Variants in PKIB observed in about 807,000 individuals in gnomAD.
PKIB encodes cAMP-dependent protein kinase inhibitor beta, also known as PKI-beta.
Under a neutral mutation model 4.5 loss-of-function variants are expected in PKIB, and 2 were observed. The observed-to-expected ratio is 0.44, with a 90% CI of 0.18 to 1.39. The LOEUF is 1.39. Among genes scored for constraint, PKIB ranks in the 40% most tolerant of loss-of-function variants. The pLI, the probability that PKIB is intolerant of heterozygous loss-of-function variation, is 0.27. For synonymous variants in PKIB, 38 were observed against 36.0 expected, an observed-to-expected ratio of 1.06 and a Z score of -0.20; for missense variants, 94 against 92.6, an observed-to-expected ratio of 1.02 and a Z score of -0.06.
At chr6:122,637,868 T>G (rs1277229768) in intron 2 of PKIB, among the ~76,000 whole-genome samples, 1 of 152,130 alleles carries the variant, frequency 6.6e-6, no homozygotes, top group Non-Finnish European at 1.5e-5. Context: ...ATCAATTAAA[T>G]TTGGCTTAAA....
intron 3 of PKIB, among the ~76,000 whole-genome samples, chr6:122,590,142 T>G (rs2114723227): frequency 6.6e-6 from 1 of 152,312 alleles, no homozygotes; most frequent in Non-Finnish European, 1.5e-5. Context: ...GGTATCTGAT[T>G]AAAATATTAT....
At chr6:122,605,753 A>G (rs184144863), upstream of PKIB, among the ~76,000 whole-genome samples, 555 of 152,192 alleles carry the variant, frequency 3.6e-3, 1 homozygote, top group Middle Eastern at 0.014. Context: ...ATGACTTCTC[A>G]GTGGTTTTTG....
Position 122,725,654 on chromosome 6 carries a change from A to G in PKIB, c.*459A>G, listed in dbSNP as rs1451195821. On this transcript the variant is annotated 3_prime_UTR_variant, in exon 5 of 5. Transcript: ENST00000368452. ...AGAAAGAACAATAGTCAAAACTCAC[A>G]TGGATAGAGTGTGTTTGTTTTTTGC... The G allele has an allele frequency of 1.3e-5, 2 of 152,978 alleles. No individual in the cohort carries two copies. The highest frequency in any genetic ancestry group is 2.4e-5 in the African/African-American group (1 of 41,476). The allele number at this position is 152,978 out of a possible 1,614,324, so 9.5% of individuals were successfully genotyped here.
chr6:122,515,631 A>G (rs1402007688), intron 2 of PKIB, among the ~76,000 whole-genome samples: 1 of 152,208 alleles, frequency 6.6e-6, no homozygotes. Context: ...GTGCCTCTAT[A>G]GTTTGTTCAT....
chr6:122,538,147 T>C (rs1777465902), intron 2 of PKIB, among the ~76,000 whole-genome samples: 2 of 152,072 alleles, frequency 1.3e-5, no homozygotes, highest in South Asian at 4.1e-4. Flanking sequence ...ACTCTGATGG[T>C]AGTTTCTTTT....
At position 122,575,777 on chromosome 6, in the gene PKIB, TG is replaced by T. The variant is rs541619416; in HGVS notation, c.-247-10139del. 6.6e-5 allele frequency among the ~76,000 whole-genome samples: 10 copies of T among 152,258 alleles called. 1 individual carries two copies. In the East Asian group the frequency reaches 1.9e-3, roughly 29 times the overall value. On this transcript the variant is annotated intron_variant, in intron 2 of 6. Transcript: ENST00000392491. ...TTTGTGGACTCAGAGGGAATAGTTG[TG>T]GGGGTAAAAGGCTATATATTGGGTA...
chr6:122,580,707 A>G (rs1773678557), intron 2 of PKIB, among the ~76,000 whole-genome samples: 1 of 152,134 alleles, frequency 6.6e-6, no homozygotes, highest in African/African-American at 2.4e-5. Context: ...TTTGTCTTGT[A>G]TCTTCTTAGT....
chr6:122,723,311 G>T (rs4132479), intron 4 of PKIB, among the ~76,000 whole-genome samples: 2,126 of 152,158 alleles, frequency 0.014, 24 homozygotes, highest in South Asian at 0.028. Flanking sequence ...TCTCCGCTTG[G>T]ATATCTAATG....
chr6:122,637,141 G>A (rs1454777573), intron 2 of PKIB, among the ~76,000 whole-genome samples: 1 of 152,138 alleles, frequency 6.6e-6, no homozygotes, highest in Non-Finnish European at 1.5e-5. Flanking sequence ...TGTCTAACAT[G>A]ACATCAAAGG....
chr6:122,629,714 C>T (rs1263465357), intron 1 of PKIB, among the ~76,000 whole-genome samples: 2 of 152,102 alleles, frequency 1.3e-5, no homozygotes. Context: ...GGCACTTTTC[C>T]TCTGTGGTCT....
chr6:122,683,853 T>G (rs1223319155), intron 3 of PKIB, among the ~76,000 whole-genome samples: 1 of 152,210 alleles, frequency 6.6e-6, no homozygotes. Flanking sequence ...GATCCAGCCA[T>G]CACACTTCTG....
intron 1 of PKIB, among the ~76,000 whole-genome samples, chr6:122,613,090 G>C (rs1270509628): frequency 2.0e-5 from 3 of 152,034 alleles, no homozygotes; most frequent in African/African-American, 7.2e-5. Context: ...GTTTTTTAAT[G>C]CTAAATGAGC....
chr6:122,594,300 C>T (rs1397568235), intron 3 of PKIB, among the ~76,000 whole-genome samples: 4 of 151,732 alleles, frequency 2.6e-5, no homozygotes, highest in Non-Finnish European at 5.9e-5. Context: ...CTCTGCCTCC[C>T]GGGTTCAAGC....
intron 2 of PKIB, among the ~76,000 whole-genome samples, chr6:122,672,741 A>T (rs1394436051): frequency 6.6e-6 from 1 of 151,654 alleles, no homozygotes; most frequent in African/African-American, 2.4e-5. Flanking sequence ...TAATATAGCA[A>T]ATAAGTTATA....
chr6:122,690,960 A>G (rs1456527424), intron 3 of PKIB, among the ~76,000 whole-genome samples: 3 of 135,390 alleles, frequency 2.2e-5, no homozygotes, highest in Non-Finnish European at 3.2e-5. Flanking sequence ...CAAATATACT[A>G]TTCTAGGGTA....
intron 2 of PKIB, among the ~76,000 whole-genome samples, chr6:122,553,999 A>G (rs1054598726): frequency 1.3e-5 from 2 of 152,184 alleles, no homozygotes; most frequent in Non-Finnish European, 2.9e-5. Context: ...AGTATATTCC[A>G]GTATTCTGGT....
chr6:122,553,481 C>CTTTTTTTTTTTT (rs533553939), intron 2 of PKIB, among the ~76,000 whole-genome samples: 937 of 65,760 alleles, frequency 0.014, 225 homozygotes, highest in Non-Finnish European at 0.018. Context: ...CAAATATCTT[C>CTTTTTTTTTTTT]TTTTTTTTTT....
At chr6:122,512,180 G>A (rs113376483) in intron 2 of PKIB, among the ~76,000 whole-genome samples, 2,128 of 152,230 alleles carry the variant, frequency 0.014, 57 homozygotes, top group African/African-American at 0.049. Context: ...AATATAAAAT[G>A]CATTTTATTT....
intron 3 of PKIB, among the ~76,000 whole-genome samples, chr6:122,705,627 G>A (rs1381544797): frequency 3.4e-5 from 5 of 146,044 alleles, no homozygotes; most frequent in Non-Finnish European, 7.4e-5. Context: ...GTGTAGTGGC[G>A]CAATTTCGAC....
Sources: allele counts gnomAD v4.1 joint callset (sites outside exome capture counted in the v4.1 genomes callset), GRCh38; gene constraint gnomAD v4.1.1; transcripts MANE v1.5; gene names NCBI Gene and HGNC (gene_info 2026-07-23, HGNC 2026-07-21).